Variants in B3GALT1 observed in about 807,000 individuals in gnomAD.
B3GALT1 encodes beta-1,3-galactosyltransferase 1.
Under a neutral mutation model 23.2 loss-of-function variants are expected in B3GALT1, and 10 were observed. That is an observed-to-expected ratio of 0.43 (90% confidence interval 0.27 to 0.73). B3GALT1 has a LOEUF of 0.73. Ranked by LOEUF, B3GALT1 falls within the 30% of genes least tolerant of loss-of-function variation. The probability of loss-of-function intolerance (pLI) is 0.21; values close to 1 mark genes in which losing one functional copy is unlikely to be tolerated. For missense variants in B3GALT1, 299 were observed against 405.4 expected (o/e 0.74, Z 2.25); for synonymous variants, 156 against 141.5 (o/e 1.10, Z -0.73).
At chr2:167,640,742 C>A (rs773459689) in intron 2 of B3GALT1, among the ~76,000 whole-genome samples, 3 of 152,056 alleles carry the variant, frequency 2.0e-5, no homozygotes, top group Non-Finnish European at 4.4e-5. Context: ...TGACTTCTGG[C>A]TTTTCTTTAT....
At chr2:167,414,697 G>T (rs985788283) in intron 1 of B3GALT1, among the ~76,000 whole-genome samples, 1 of 152,184 alleles carries the variant, frequency 6.6e-6, no homozygotes, top group Non-Finnish European at 1.5e-5. Flanking sequence ...TGAACCTAGG[G>T]TAATGCCCAC....
intron 2 of B3GALT1, among the ~76,000 whole-genome samples, chr2:167,625,013 A>G (rs1281307811): frequency 2.0e-5 from 3 of 151,996 alleles, no homozygotes; most frequent in Non-Finnish European, 4.4e-5. Context: ...ATAGAGGGCT[A>G]GGCCTAACTG....
chr2:167,809,633 G>A (rs113743739), intron 3 of B3GALT1, among the ~76,000 whole-genome samples: 31,013 of 152,072 alleles, frequency 0.2, 3,782 homozygotes, highest in East Asian at 0.37. Flanking sequence ...CTGCCTGATC[G>A]TTCCTCTGGA....
intron 2 of B3GALT1, among the ~76,000 whole-genome samples, chr2:167,577,695 A>G (rs996284461): frequency 1.3e-5 from 2 of 151,820 alleles, no homozygotes; most frequent in African/African-American, 4.8e-5. Flanking sequence ...ACAGTGGCTT[A>G]TTTTTGGTGT....
intron 3 of B3GALT1, among the ~76,000 whole-genome samples, chr2:167,766,227 G>A (rs188259340): frequency 6.6e-6 from 1 of 152,250 alleles, no homozygotes; most frequent in East Asian, 1.9e-4. Context: ...GTGAATGGAA[G>A]GAGGATCATG....
chr2:167,651,233 A>C (rs1164247528), intron 3 of B3GALT1, among the ~76,000 whole-genome samples: 1 of 97,912 alleles, frequency 1.0e-5, no homozygotes, highest in East Asian at 3.1e-4. Flanking sequence ...AAGAGCAGAA[A>C]GGTTGTGTGT....
At chr2:167,570,871 C>T (rs374799619) in intron 2 of B3GALT1, among the ~76,000 whole-genome samples, 1 of 151,930 alleles carries the variant, frequency 6.6e-6, no homozygotes, top group Non-Finnish European at 1.5e-5. Context: ...AGCAAATCTA[C>T]TTCTTGAGGA....
At chr2:167,598,670 CT>C (rs2105422004) in intron 2 of B3GALT1, among the ~76,000 whole-genome samples, 1 of 152,264 alleles carries the variant, frequency 6.6e-6, no homozygotes, top group East Asian at 1.9e-4. Context: ...GCGTGTCCAT[CT>C]CTAACACATT....
intron 4 of B3GALT1, among the ~76,000 whole-genome samples, chr2:167,860,518 T>G (rs1690077694): frequency 6.6e-6 from 1 of 152,208 alleles, no homozygotes; most frequent in South Asian, 2.1e-4. Context: ...CACTTGTGTG[T>G]GCCATATGTG....
chr2:167,411,916 A>G (rs560437950), intron 1 of B3GALT1, among the ~76,000 whole-genome samples: 1 of 152,272 alleles, frequency 6.6e-6, no homozygotes, highest in African/African-American at 2.4e-5. Flanking sequence ...CATGGATGGA[A>G]CTGGAGGCCA....
intron 3 of B3GALT1, among the ~76,000 whole-genome samples, chr2:167,744,454 T>C (rs1203376361): frequency 2.0e-5 from 3 of 152,200 alleles, no homozygotes; most frequent in African/African-American, 7.2e-5. Context: ...TAGTTTGTAG[T>C]GTCCATTCCT....
At chr2:167,663,380 T>C (rs1254987197) in intron 3 of B3GALT1, among the ~76,000 whole-genome samples, 2 of 151,540 alleles carry the variant, frequency 1.3e-5, no homozygotes, top group African/African-American at 2.4e-5. Flanking sequence ...TTTGGGTTGG[T>C]TCCAAGTCTT....
intron 1 of B3GALT1, among the ~76,000 whole-genome samples, chr2:167,457,834 GC>G (rs1185686275): frequency 1.3e-5 from 2 of 152,076 alleles, no homozygotes; most frequent in Non-Finnish European, 2.9e-5. Context: ...TGATTTTGTG[GC>G]CCCATTCTAG....
At chr2:167,685,085 T>G (rs1193807385) in intron 3 of B3GALT1, among the ~76,000 whole-genome samples, 1 of 152,202 alleles carries the variant, frequency 6.6e-6, no homozygotes, top group Non-Finnish European at 1.5e-5. Context: ...TAACAAGATA[T>G]TGTACATGGA....
intron 2 of B3GALT1, among the ~76,000 whole-genome samples, chr2:167,493,635 C>T (rs1362526532): frequency 2.6e-5 from 4 of 152,186 alleles, no homozygotes; most frequent in Middle Eastern, 3.4e-3. Context: ...TAGACATGTT[C>T]TCTATTTTCT....
intron 2 of B3GALT1, among the ~76,000 whole-genome samples, chr2:167,567,402 A>G (rs554429391): frequency 1.3e-5 from 2 of 152,176 alleles, no homozygotes; most frequent in Non-Finnish European, 2.9e-5. Context: ...TCAAGGATGT[A>G]TTAAGCTCTC....
rs75506641 is a variant in B3GALT1 at position 167,576,819 on chromosome 2, A to G, written c.-409-70090A>G. On this transcript the variant is annotated intron_variant, in intron 2 of 4. Coordinates refer to ENST00000392690, the MANE Select transcript of B3GALT1 (RefSeq NM_020981.4). ...CTATTAGGGAGAGAGGATGAGGGAAATTAATGCGACTCTCACCACATTCAC... is the reference window on the plus strand; with the variant it reads ...CTATTAGGGAGAGAGGATGAGGGAAGTTAATGCGACTCTCACCACATTCAC... Among the ~76,000 whole-genome samples, 643 of 151,776 alleles carry G rather than the reference A, an allele frequency of 4.2e-3. 22 individuals are homozygous for G. In the East Asian group the frequency reaches 0.083, roughly 19 times the overall value.
chr2:167,442,584 G>C (rs1451944073), intron 1 of B3GALT1, among the ~76,000 whole-genome samples: 2 of 151,636 alleles, frequency 1.3e-5, no homozygotes, highest in Non-Finnish European at 2.9e-5. Flanking sequence ...ACTGGTGTCA[G>C]ATGGTATGTC....
rs556429822 is a variant in B3GALT1 at position 167,571,786 on chromosome 2, A to G, written c.-409-75123A>G. 3.9e-4 allele frequency among the ~76,000 whole-genome samples: 59 copies of G among 152,044 alleles called. 1 individual carries two copies. Among genetic ancestry groups the G allele is most frequent in the African/African-American group, 1.3e-3 (54 of 41,542 alleles). On this transcript the variant is annotated intron_variant, in intron 2 of 4. Coordinates refer to ENST00000392690, the MANE Select transcript of B3GALT1 (RefSeq NM_020981.4). ...TTTTGTTTGCAGTATACATGCCGGC[A>G]TGAGTTAGCCAAAACATGCAACTCC...
Sources: allele counts gnomAD v4.1 joint callset (sites outside exome capture counted in the v4.1 genomes callset), GRCh38; gene constraint gnomAD v4.1.1; transcripts MANE v1.5; gene names NCBI Gene and HGNC (gene_info 2026-07-23, HGNC 2026-07-21).